CAMSAP2: variants seen among roughly 807,000 people sequenced by gnomAD.
CAMSAP2 encodes calmodulin regulated spectrin associated protein family member 2.
In CAMSAP2, 26 loss-of-function variants were observed where a neutral mutation model predicts 146.1. The observed-to-expected ratio is 0.18, with a 90% CI of 0.13 to 0.25. CAMSAP2 has a LOEUF of 0.25. Ranked by LOEUF, CAMSAP2 falls within the 10% of genes least tolerant of loss-of-function variation. The pLI is 1.00. For missense variants in CAMSAP2, 1,381 were observed against 1,759.3 expected (o/e 0.78, Z 3.85); for synonymous variants, 499 against 596.6 (o/e 0.84, Z 2.38).
chr1:200,827,927 C>A (rs1430660806), intron 4 of CAMSAP2, among the ~76,000 whole-genome samples: 1 of 151,950 alleles, frequency 6.6e-6, no homozygotes, highest in South Asian at 2.1e-4. Flanking sequence ...TTTGGGACAG[C>A]CCTAGATAGT....
intron 4 of CAMSAP2, among the ~76,000 whole-genome samples, chr1:200,829,489 T>A (rs1258245808): frequency 1.3e-5 from 2 of 152,342 alleles, no homozygotes; most frequent in Middle Eastern, 3.4e-3. Flanking sequence ...GAAGGTTTTC[T>A]GTGACCTCAC....
At chr1:200,831,900 T>G (rs12736176) in intron 4 of CAMSAP2, among the ~76,000 whole-genome samples, 19,307 of 152,088 alleles carry the variant, frequency 0.13, 1,244 homozygotes, top group East Asian at 0.17. Flanking sequence ...ATTATTTGGA[T>G]ACAAAGTGTT....
At chr1:200,772,203 T>C (rs1665135186) in intron 2 of CAMSAP2, among the ~76,000 whole-genome samples, 1 of 152,108 alleles carries the variant, frequency 6.6e-6, no homozygotes, top group Non-Finnish European at 1.5e-5. Flanking sequence ...AAAGTACTTA[T>C]CCTTGTAACT....
At chr1:200,837,431 C>A (rs1438470103) in intron 6 of CAMSAP2, among the ~76,000 whole-genome samples, 2 of 151,730 alleles carry the variant, frequency 1.3e-5, no homozygotes, top group African/African-American at 4.8e-5. Context: ...GCTCTCTGTT[C>A]TGTTCCATTT....
intron 9 of CAMSAP2, 121 bp downstream of exon 9, chr1:200,847,413 T>TTTTTTTG: frequency 1.3e-6 from 1 of 769,756 alleles, no homozygotes; most frequent in African/African-American, 1.8e-5. Flanking sequence ...GTGTGTGTTT[T>TTTTTTTG]TTTGTTTGTT....
chr1:200,817,954 T>G (rs1294659511), intron 4 of CAMSAP2, among the ~76,000 whole-genome samples: 1 of 152,226 alleles, frequency 6.6e-6, no homozygotes, highest in Non-Finnish European at 1.5e-5. Context: ...TCCTTGCCTC[T>G]TCCCTGTTAC....
chr1:200,847,417 G>GC (rs1197338802), intron 9 of CAMSAP2, 125 bp downstream of exon 9: 1 of 724,270 alleles, frequency 1.4e-6, no homozygotes, highest in Non-Finnish European at 2.2e-6. Flanking sequence ...GTGTTTTTTT[G>GC]TTTGTTTGTT....
intron 4 of CAMSAP2, among the ~76,000 whole-genome samples, chr1:200,825,312 CCTTA>C (rs1487411946): frequency 6.6e-6 from 1 of 152,080 alleles, no homozygotes; most frequent in Non-Finnish European, 1.5e-5. Context: ...CTCTTCTACC[CCTTA>C]CTTATTCCAC....
At chr1:200,834,976 T>A (rs1007570063) in intron 6 of CAMSAP2, among the ~76,000 whole-genome samples, 1 of 152,206 alleles carries the variant, frequency 6.6e-6, no homozygotes, top group African/African-American at 2.4e-5. Flanking sequence ...AAAGAGTGTT[T>A]AAAATAGTAA....
intron 2 of CAMSAP2, among the ~76,000 whole-genome samples, chr1:200,790,636 T>G (rs1007352857): frequency 1.3e-5 from 2 of 152,222 alleles, no homozygotes; most frequent in African/African-American, 2.4e-5. Flanking sequence ...GTGGTTTGCC[T>G]TGTGTTCTCA....
intron 2 of CAMSAP2, among the ~76,000 whole-genome samples, chr1:200,791,299 C>A (rs970113097): frequency 7.9e-5 from 12 of 151,922 alleles, no homozygotes; most frequent in African/African-American, 2.9e-4. Context: ...TTTAAGATTT[C>A]TTTCTTTTTT....
At chr1:200,796,995 A>G (rs1248184853) in intron 2 of CAMSAP2, among the ~76,000 whole-genome samples, 12 of 152,350 alleles carry the variant, frequency 7.9e-5, no homozygotes, top group Admixed American at 1.3e-4. Context: ...TACAAAGGAC[A>G]TGAACTCATC....
chr1:200,842,115 TC>T, intron 7 of CAMSAP2, 28 bp downstream of exon 7: 2 of 1,522,620 alleles, frequency 1.3e-6, no homozygotes, highest in Non-Finnish European at 9.1e-7. Flanking sequence ...TTTTAAATGT[TC>T]CTATGAACAG....
chr1:200,789,958 G>A (rs1665702303), intron 2 of CAMSAP2, among the ~76,000 whole-genome samples: 1 of 152,090 alleles, frequency 6.6e-6, no homozygotes, highest in Admixed American at 6.6e-5. Flanking sequence ...GTTCATTGTT[G>A]GTATATAGGA....
chr1:200,774,407 G>T (rs1287019930), intron 2 of CAMSAP2, among the ~76,000 whole-genome samples: 1 of 152,108 alleles, frequency 6.6e-6, no homozygotes, highest in Non-Finnish European at 1.5e-5. Context: ...AGTGCACTAT[G>T]TTAGAAGCTG....
intron 2 of CAMSAP2, among the ~76,000 whole-genome samples, chr1:200,775,769 G>C (rs1204864059): frequency 6.6e-6 from 1 of 152,122 alleles, no homozygotes; most frequent in Non-Finnish European, 1.5e-5. Flanking sequence ...GACCTCAGGT[G>C]ATCCACCCCC....
chr1:200,748,364 C>T (rs1664402980), intron 1 of CAMSAP2, among the ~76,000 whole-genome samples: 1 of 152,210 alleles, frequency 6.6e-6, no homozygotes. Context: ...GCCATCACAG[C>T]ACTGTTGTCA....
In CAMSAP2 at chr1:200,857,522, T is replaced by A. The variant is rs1012164734; in HGVS notation, c.4131+98T>A. The A allele has an allele frequency of 2.3e-6, 2 of 871,860 alleles. No individual in the cohort carries two copies. The highest frequency in any genetic ancestry group is 1.7e-5 in the African/African-American group (1 of 58,478). 54.0% of individuals were successfully genotyped at this position (871,860 alleles called of 1,614,324 possible). A position where few individuals can be genotyped will look rare whatever the true frequency, so the allele number is the denominator to read the frequency against. On this transcript the variant is annotated intron_variant, in intron 16 of 16. Coordinates refer to ENST00000358823, the MANE Select transcript of CAMSAP2 (RefSeq NM_203459.4). The surrounding 1 kb of genome is among the most constrained non-coding windows in gnomAD (Gnocchi z 4.7). ...TCATGGGCCTAGACTTTCAACAGCA[T>A]GTAAAAAGATCTGTAGCTAGATGTT...
At chr1:200,744,521 A>G (rs1196165750) in intron 1 of CAMSAP2, among the ~76,000 whole-genome samples, 1 of 152,246 alleles carries the variant, frequency 6.6e-6, no homozygotes, top group African/African-American at 2.4e-5. Context: ...TGTTTAAGCT[A>G]TGCCTTTCTT....
Sources: gnomAD v4.1 joint callset for allele counts (sites outside exome capture counted in the v4.1 genomes callset) on GRCh38, gnomAD v4.1.1 for gene constraint, Gnocchi (gnomAD v3.1) non-coding constraint, MANE v1.5 for transcripts, NCBI Gene and HGNC (gene_info 2026-07-23, HGNC 2026-07-21) for gene names.